Variants in MCPH1 observed in about 807,000 individuals in gnomAD.
MCPH1 encodes microcephalin 1.
In MCPH1, 104 loss-of-function variants were observed where a neutral mutation model predicts 84.5. The ratio of observed to expected loss-of-function variants is 1.23; its 90% CI spans 1.05 to 1.45. MCPH1 has a LOEUF of 1.45. Ranked by LOEUF, MCPH1 falls within the 40% of genes most tolerant of loss-of-function variation. The pLI, the probability that MCPH1 is intolerant of heterozygous loss-of-function variation, is 0.00. For missense variants in MCPH1, 1,498 were observed against 1,005.7 expected (o/e 1.49, Z -6.62); for synonymous variants, 514 against 366.8 (o/e 1.40, Z -4.58).
intron 12 of MCPH1, among the ~76,000 whole-genome samples, chr8:6,582,411 A>G (rs1186917130): frequency 6.6e-6 from 1 of 152,218 alleles, no homozygotes; most frequent in African/African-American, 2.4e-5. Flanking sequence ...GCTAGAGTTC[A>G]AACCCAAGTC....
intron 3 of MCPH1, among the ~76,000 whole-genome samples, chr8:6,421,959 C>A (rs956733537): frequency 1.3e-5 from 2 of 152,230 alleles, no homozygotes; most frequent in Admixed American, 1.3e-4. Context: ...GTTTTGTAGT[C>A]AGCTCCTTTA....
intron 12 of MCPH1, among the ~76,000 whole-genome samples, chr8:6,546,693 G>C (rs1308904887): frequency 1.3e-5 from 2 of 152,112 alleles, no homozygotes; most frequent in Admixed American, 6.5e-5. Flanking sequence ...ATCACTAAGG[G>C]TCCCATGAGC....
chr8:6,627,361 G>C (rs1242055231), intron 13 of MCPH1: 11 of 899,648 alleles, frequency 1.2e-5, no homozygotes, highest in Non-Finnish European at 1.5e-5. Flanking sequence ...CCCCCTTCCA[G>C]CCCCTCTCCT....
Position 6,592,629 on chromosome 8 carries a change from T to G in MCPH1, c.2215-28825T>G, listed in dbSNP as rs1456451135. ...GTTTTTCTTTCTTTTTTTTGTTTTT[T>G]TTTTTTTTTTTTTTGTTGCTGTTGT... On this transcript the variant is annotated intron_variant, in intron 12 of 13. Coordinates refer to ENST00000344683, the MANE Select transcript of MCPH1 (RefSeq NM_024596.5). Among the ~76,000 whole-genome samples, 7 of 141,074 alleles carry G rather than the reference T, an allele frequency of 5.0e-5. No individual in the cohort carries two copies. In the South Asian group the frequency reaches 1.2e-3, roughly 23 times the overall value. 92.6% of individuals were successfully genotyped at this position (141,074 alleles called of 152,430 possible). A position where few individuals can be genotyped will look rare whatever the true frequency, so the allele number is the denominator to read the frequency against.
chr8:6,496,071 C>A (rs1811188013), intron 11 of MCPH1, among the ~76,000 whole-genome samples: 1 of 152,120 alleles, frequency 6.6e-6, no homozygotes, highest in Non-Finnish European at 1.5e-5. Flanking sequence ...CACTTTATTT[C>A]TATTATTATT....
At chr8:6,538,602 A>G (rs1230620296) in intron 12 of MCPH1, among the ~76,000 whole-genome samples, 1 of 151,968 alleles carries the variant, frequency 6.6e-6, no homozygotes, top group African/African-American at 2.4e-5. Context: ...CCGCCTTTGT[A>G]TCTCCTCCTT....
At chr8:6,473,668 C>G (rs1466263208) in intron 9 of MCPH1, among the ~76,000 whole-genome samples, 2 of 152,142 alleles carry the variant, frequency 1.3e-5, no homozygotes, top group East Asian at 3.8e-4. Flanking sequence ...TGTTGTATTT[C>G]ATATGTTTAG....
intron 8 of MCPH1, among the ~76,000 whole-genome samples, chr8:6,454,021 T>A (rs973111907): frequency 1.3e-5 from 2 of 152,202 alleles, no homozygotes; most frequent in Admixed American, 6.5e-5. Flanking sequence ...TTCACTGAGA[T>A]AGGACCCTGT....
chr8:6,550,158 A>G (rs1241837286), intron 12 of MCPH1, among the ~76,000 whole-genome samples: 1 of 152,328 alleles, frequency 6.6e-6, no homozygotes, highest in African/African-American at 2.4e-5. Flanking sequence ...CCTTCCCCGC[A>G]CAACCTGGAA....
intron 12 of MCPH1, among the ~76,000 whole-genome samples, chr8:6,545,561 G>A (rs754076252): frequency 2.0e-5 from 3 of 152,188 alleles, no homozygotes; most frequent in Non-Finnish European, 2.9e-5. Context: ...AACCATTCCA[G>A]CCATCTGATG....
At chr8:6,419,077 A>G (rs527623199) in intron 3 of MCPH1, among the ~76,000 whole-genome samples, 2 of 151,542 alleles carry the variant, frequency 1.3e-5, no homozygotes, top group East Asian at 1.9e-4. Flanking sequence ...CTGCTTAGCT[A>G]TCTTTTATTT....
At chr8:6,641,683 G>A (rs1410973408) in intron 13 of MCPH1, among the ~76,000 whole-genome samples, 3 of 152,194 alleles carry the variant, frequency 2.0e-5, no homozygotes, top group Non-Finnish European at 4.4e-5. Flanking sequence ...GACTGAGGCT[G>A]CAGTGAGTCA....
At chr8:6,621,775 C>A in intron 13 of MCPH1, 84 bp downstream of exon 13, 33 of 1,576,800 alleles carry the variant, frequency 2.1e-5, no homozygotes, top group Non-Finnish European at 2.7e-5. Context: ...GGCTCACACC[C>A]CCTTCCACGC....
chr8:6,583,253 T>A (rs1203057169), intron 12 of MCPH1, among the ~76,000 whole-genome samples: 4 of 152,224 alleles, frequency 2.6e-5, no homozygotes, highest in Admixed American at 1.3e-4. Context: ...TTGATTTTTT[T>A]TTATTTCTTC....
At chr8:6,556,026 A>C (rs1326187620) in intron 12 of MCPH1, among the ~76,000 whole-genome samples, 1 of 152,136 alleles carries the variant, frequency 6.6e-6, no homozygotes. Flanking sequence ...TTGGTATCTC[A>C]GGCCTGATGC....
chr8:6,419,791 A>G (rs917816255), intron 3 of MCPH1, among the ~76,000 whole-genome samples: 1 of 151,894 alleles, frequency 6.6e-6, no homozygotes, highest in South Asian at 2.1e-4. Flanking sequence ...GAGCCACTGC[A>G]CCCAGCTGAT....
chr8:6,585,985 G>C (rs1827946753), intron 12 of MCPH1, among the ~76,000 whole-genome samples: 1 of 152,166 alleles, frequency 6.6e-6, no homozygotes, highest in Non-Finnish European at 1.5e-5. Context: ...TTTTGAGCTA[G>C]GGTCTCACTC....
intron 12 of MCPH1, chr8:6,502,065 C>T (rs1812303569): frequency 6.6e-6 from 1 of 151,718 alleles, no homozygotes; most frequent in Non-Finnish European, 1.5e-5. Flanking sequence ...TTTTCTCAAC[C>T]AGAAATTAAA....
chr8:6,406,635 C>T lies in MCPH1; in HGVS notation c.-33C>T, dbSNP rs1444620779. 5 of 1,610,230 alleles carry T rather than the reference C, an allele frequency of 3.1e-6. No homozygotes were observed. In the African/African-American group the frequency reaches 5.3e-5, roughly 17 times the overall value. On this transcript the variant is annotated 5_prime_UTR_variant, in exon 1 of 14. Coordinates refer to ENST00000344683, the MANE Select transcript of MCPH1 (RefSeq NM_024596.5). ...CGCGCCGCCAGGCTCGCAAGCACCG[C>T]GTAGGCCAGCTGGCCGGATCCCGCC... is the stretch of plus-strand genomic sequence containing the variant.
Sources: allele counts gnomAD v4.1 joint callset (sites outside exome capture counted in the v4.1 genomes callset), GRCh38; gene constraint gnomAD v4.1.1; transcripts MANE v1.5; gene names NCBI Gene and HGNC (gene_info 2026-07-23, HGNC 2026-07-21).